ZYG11B: variants seen among roughly 807,000 people sequenced by gnomAD.
ZYG11B encodes protein zyg-11 homolog B.
In ZYG11B, 36 loss-of-function variants were observed where a neutral mutation model predicts 82.4. The observed-to-expected ratio is 0.44, with a 90% confidence interval of 0.33 to 0.58. The LOEUF is 0.58. ZYG11B is among the 20% of genes least tolerant of loss of function. ZYG11B has a pLI of 0.02. For synonymous variants in ZYG11B, 303 were observed against 312.8 expected (o/e 0.97, Z 0.33); for missense variants, 552 against 895.6 (o/e 0.62, Z 4.90).
chr1:52,772,108 A>C (rs1644757115), intron 3 of ZYG11B: 1 of 907,600 alleles, frequency 1.1e-6, no homozygotes, highest in Admixed American at 1.9e-5. Flanking sequence ...GCTATTTTGA[A>C]CCATTTACAT....
At position 52,784,763 on chromosome 1, in the gene ZYG11B, A is replaced by T; in HGVS notation, c.1093-114A>T. On this transcript the variant is annotated intron_variant, in intron 4 of 13. Transcript: ENST00000294353. ...CCTAGGCTCTTTGCACATGAGGATGAAAAAGAAAATTATGACATCTTTGAA... is the reference window on the plus strand; with the variant it reads ...CCTAGGCTCTTTGCACATGAGGATGTAAAAGAAAATTATGACATCTTTGAA... The T allele has an allele frequency of 2.4e-6, 3 of 1,228,206 alleles. No individual in the cohort carries two copies. In the Admixed American group the frequency reaches 6.6e-5, roughly 27 times the overall value. 76.1% of individuals were successfully genotyped at this position (1,228,206 alleles called of 1,614,324 possible).
At chr1:52,743,270 G>A (rs963223972) in intron 1 of ZYG11B, among the ~76,000 whole-genome samples, 3 of 151,472 alleles carry the variant, frequency 2.0e-5, no homozygotes, top group East Asian at 1.9e-4. Flanking sequence ...GCGGAAGGCC[G>A]CAGGGTCTTC....
intron 3 of ZYG11B, among the ~76,000 whole-genome samples, chr1:52,777,485 C>T (rs931156463): frequency 1.3e-5 from 2 of 152,076 alleles, no homozygotes; most frequent in East Asian, 1.9e-4. Context: ...CACTCTGTTG[C>T]GCATCATGGA....
intron 8 of ZYG11B, among the ~76,000 whole-genome samples, chr1:52,799,912 C>T (rs1305668981): frequency 6.6e-6 from 1 of 152,132 alleles, no homozygotes; most frequent in African/African-American, 2.4e-5. Flanking sequence ...TCAGTTATGT[C>T]TCTTACTAGC....
intron 1 of ZYG11B, among the ~76,000 whole-genome samples, chr1:52,738,387 G>A (rs1289986242): frequency 2.0e-5 from 3 of 151,588 alleles, no homozygotes; most frequent in East Asian, 1.9e-4. Flanking sequence ...CACCATGTTG[G>A]CCAGGCTAGT....
intron 1 of ZYG11B, among the ~76,000 whole-genome samples, chr1:52,736,733 G>T (rs1452961680): frequency 6.6e-6 from 1 of 151,942 alleles, no homozygotes; most frequent in South Asian, 2.1e-4. Flanking sequence ...GATGACAGGC[G>T]TGAACCACCA....
rs906474264 is a variant in ZYG11B, at chr1:52,762,807, C to G, written c.196+6184C>G. ...ATGTTGGTCAGGTTGGTCTCGAACT[C>G]CTGACCTCAGGTGATCTGCCAACCT... On this transcript the variant is annotated intron_variant, in intron 2 of 13. Transcript: ENST00000294353. 7.2e-5 allele frequency among the ~76,000 whole-genome samples: 11 copies of G among 152,154 alleles called. 1 individual carries two copies. In the South Asian group the frequency reaches 1.5e-3, roughly 20 times the overall value.
At chr1:52,770,995 TA>T (rs1463371178) in intron 2 of ZYG11B, 24 bp from the exon 3 acceptor site, 3 of 1,578,400 alleles carry the variant, frequency 1.9e-6, no homozygotes, top group Middle Eastern at 1.7e-4. Flanking sequence ...TTTTTGAATT[TA>T]AAACGCTGCT....
chr1:52,783,997 T>TATAG (rs543071878), intron 4 of ZYG11B, among the ~76,000 whole-genome samples: 2 of 142,302 alleles, frequency 1.4e-5, no homozygotes, highest in Non-Finnish European at 3.1e-5. Flanking sequence ...TATATATATA[T>TATAG]AGAGAGAGAG....
At chr1:52,767,598 C>T (rs559415701) in intron 2 of ZYG11B, among the ~76,000 whole-genome samples, 3 of 152,188 alleles carry the variant, frequency 2.0e-5, no homozygotes, top group Admixed American at 6.6e-5. Flanking sequence ...CCACTATGCC[C>T]AGCCAGATTA....
chr1:52,816,243 A>G (rs7524472), intron 12 of ZYG11B, among the ~76,000 whole-genome samples: 5,720 of 152,224 alleles, frequency 0.038, 337 homozygotes, highest in African/African-American at 0.13. Flanking sequence ...CCAAACCAAG[A>G]TCTACTTATC....
intron 10 of ZYG11B, among the ~76,000 whole-genome samples, chr1:52,807,146 C>T (rs1005344446): frequency 6.6e-6 from 1 of 151,930 alleles, no homozygotes; most frequent in African/African-American, 2.4e-5. Context: ...GGATTACAGA[C>T]TCACGTGAGC....
intron 4 of ZYG11B, among the ~76,000 whole-genome samples, chr1:52,781,881 A>T (rs906051604): frequency 6.6e-6 from 1 of 150,672 alleles, no homozygotes; most frequent in Non-Finnish European, 1.5e-5. Flanking sequence ...AACACCTGTC[A>T]CTCCTTTTAT....
At chr1:52,788,574 G>A (rs1233191222) in intron 5 of ZYG11B, among the ~76,000 whole-genome samples, 1 of 152,136 alleles carries the variant, frequency 6.6e-6, no homozygotes, top group African/African-American at 2.4e-5. Flanking sequence ...AGGACAATTT[G>A]AAAATTAGAG....
chr1:52,752,787 G>A (rs938625788), intron 1 of ZYG11B, among the ~76,000 whole-genome samples: 7 of 152,150 alleles, frequency 4.6e-5, no homozygotes, highest in East Asian at 1.9e-4. Context: ...GGTTGTTGGC[G>A]TGGGAAAAGC....
chr1:52,813,834 T>A (rs779498629), intron 11 of ZYG11B, 26 bp from the exon 12 acceptor site: 1 of 1,614,060 alleles, frequency 6.2e-7, no homozygotes, highest in Admixed American at 1.7e-5. Flanking sequence ...ATTGTAATCC[T>A]TTCTTGTGTG....
At chr1:52,803,005 G>A (rs1391747411) in intron 10 of ZYG11B, among the ~76,000 whole-genome samples, 1 of 141,362 alleles carries the variant, frequency 7.1e-6, no homozygotes, top group Admixed American at 7.3e-5. Flanking sequence ...GGGCAACAGA[G>A]CAAGACTCCG....
At chr1:52,761,018 C>T (rs1644625995) in intron 2 of ZYG11B, among the ~76,000 whole-genome samples, 1 of 152,166 alleles carries the variant, frequency 6.6e-6, no homozygotes, top group Admixed American at 6.6e-5. Flanking sequence ...CTGCCTTGGT[C>T]TCCCAAAGTG....
chr1:52,813,768 A>G (rs754098440), intron 11 of ZYG11B, 35 bp downstream of exon 11: 7 of 1,613,538 alleles, frequency 4.3e-6, no homozygotes, highest in Admixed American at 1.7e-5. Flanking sequence ...AGACATTCAT[A>G]GTGGTTAAAC....
Sources: allele counts gnomAD v4.1 joint callset (sites outside exome capture counted in the v4.1 genomes callset), GRCh38; gene constraint gnomAD v4.1.1; transcripts MANE v1.5; gene names NCBI Gene and HGNC (gene_info 2026-07-23, HGNC 2026-07-21).